Variants in SLCO3A1 observed in about 807,000 individuals in gnomAD.
The protein encoded by SLCO3A1 is PGE1 transporter.
SLCO3A1 carries 27 observed loss-of-function variants against 63.1 expected under a neutral mutation model. The ratio of observed to expected loss-of-function variants is 0.43; its 90% CI spans 0.32 to 0.59. SLCO3A1 has a LOEUF of 0.59. Among genes scored for constraint, SLCO3A1 ranks in the 20% least tolerant of loss-of-function variants. SLCO3A1 has a pLI of 0.09. For synonymous variants in SLCO3A1, 473 were observed against 409.9 expected (o/e 1.15, Z -1.86); for missense variants, 773 against 945.8 (o/e 0.82, Z 2.40).
intron 2 of SLCO3A1, among the ~76,000 whole-genome samples, chr15:92,025,973 G>T (rs892754251): frequency 1.3e-5 from 2 of 152,152 alleles, no homozygotes; most frequent in Non-Finnish European, 2.9e-5. Flanking sequence ...TCTGCTGTTG[G>T]CACTGATTGT....
intron 2 of SLCO3A1, among the ~76,000 whole-genome samples, chr15:91,919,457 C>T (rs1265430623): frequency 3.3e-5 from 5 of 152,244 alleles, no homozygotes; most frequent in Non-Finnish European, 7.3e-5. Context: ...TCATGCGGCA[C>T]CCGGACTCAC....
At chr15:91,958,016 C>T (rs890851988) in intron 2 of SLCO3A1, among the ~76,000 whole-genome samples, 6 of 152,040 alleles carry the variant, frequency 3.9e-5, no homozygotes, top group Admixed American at 1.3e-4. Context: ...GGACCCGCCT[C>T]TATGCAGATT....
intron 1 of SLCO3A1, among the ~76,000 whole-genome samples, chr15:91,904,553 G>C (rs928171050): frequency 1.3e-5 from 2 of 152,198 alleles, no homozygotes; most frequent in Non-Finnish European, 2.9e-5. Context: ...CTGTATCTCA[G>C]ATGAAGCCAG....
At chr15:91,987,744 A>AAG (rs1483844721) in intron 2 of SLCO3A1, among the ~76,000 whole-genome samples, 106 of 148,306 alleles carry the variant, frequency 7.1e-4, no homozygotes, top group Non-Finnish European at 1.2e-4. Context: ...ACTTTGTCTA[A>AAG]AAAAAAAAAA....
At position 91,929,762 on chromosome 15, in the gene SLCO3A1, C is replaced by T. The variant is rs137982245; in HGVS notation, c.646+13304C>T. 3.2e-3 allele frequency among the ~76,000 whole-genome samples: 493 copies of T among 152,310 alleles called. 7 individuals are homozygous for T. The highest frequency in any genetic ancestry group is 0.011 in the African/African-American group (475 of 41,570). Reference sequence around the variant, plus strand: ...TTCTGTCTCTATGAATTTGACTACTCTAAGTGCCTCAGATAAGATCGTAGA... The same window carrying T: ...TTCTGTCTCTATGAATTTGACTACTTTAAGTGCCTCAGATAAGATCGTAGA... On this transcript the variant is annotated intron_variant, in intron 2 of 9. Coordinates refer to ENST00000318445, the MANE Select transcript of SLCO3A1 (RefSeq NM_013272.4).
intron 2 of SLCO3A1, among the ~76,000 whole-genome samples, chr15:91,979,853 T>G (rs2045962218): frequency 6.6e-6 from 1 of 152,206 alleles, no homozygotes; most frequent in Non-Finnish European, 1.5e-5. Flanking sequence ...ATTAGTAATT[T>G]CTTAGGGTGT....
intron 7 of SLCO3A1, among the ~76,000 whole-genome samples, chr15:92,139,622 G>A (rs1443505354): frequency 6.6e-6 from 1 of 152,050 alleles, no homozygotes. Flanking sequence ...CTTTTTGGTT[G>A]GTAAACTACT....
chr15:92,112,852 A>G (rs1219677474), intron 4 of SLCO3A1, among the ~76,000 whole-genome samples: 1 of 152,242 alleles, frequency 6.6e-6, no homozygotes, highest in Non-Finnish European at 1.5e-5. Flanking sequence ...ATTTATGTCC[A>G]TCGGGTATTT....
intron 2 of SLCO3A1, among the ~76,000 whole-genome samples, chr15:91,929,312 C>T (rs1899140838): frequency 6.6e-6 from 1 of 152,162 alleles, no homozygotes; most frequent in South Asian, 2.1e-4. Context: ...AACTCTATGT[C>T]CTGAAGCCAC....
intron 4 of SLCO3A1, among the ~76,000 whole-genome samples, chr15:92,119,443 ATAGAAGCC>A (rs1322596280): frequency 6.6e-6 from 1 of 152,206 alleles, no homozygotes; most frequent in African/African-American, 2.4e-5. Flanking sequence ...ACCAGCTTTC[ATAGAAGCC>A]CTGAGCACCA....
chr15:91,929,565 A>G (rs774639371), intron 2 of SLCO3A1, among the ~76,000 whole-genome samples: 5 of 152,220 alleles, frequency 3.3e-5, no homozygotes. Flanking sequence ...AAATATTCAT[A>G]CAGGTCACCA....
intron 4 of SLCO3A1, among the ~76,000 whole-genome samples, chr15:92,110,781 G>T (rs1292608614): frequency 6.6e-6 from 1 of 152,180 alleles, no homozygotes; most frequent in East Asian, 1.9e-4. Flanking sequence ...CCTGCTATGT[G>T]ATAGGGGAGG....
intron 7 of SLCO3A1, among the ~76,000 whole-genome samples, chr15:92,143,431 A>AATAT (rs1567142987): frequency 0.13 from 276 of 2,122 alleles, 87 homozygotes; most frequent in African/African-American, 0.5. Context: ...TATATATATA[A>AATAT]TATATATAAT....
chr15:91,949,379 C>A (rs1341355356), intron 2 of SLCO3A1, among the ~76,000 whole-genome samples: 1 of 152,150 alleles, frequency 6.6e-6, no homozygotes, highest in African/African-American at 2.4e-5. Flanking sequence ...ACTGTAATCC[C>A]AGCACTTTGG....
At chr15:92,088,228 C>T (rs2047429868) in intron 2 of SLCO3A1, among the ~76,000 whole-genome samples, 1 of 152,196 alleles carries the variant, frequency 6.6e-6, no homozygotes, top group Admixed American at 6.5e-5. Context: ...ACTTACTGTC[C>T]ATCAGCACTG....
intron 2 of SLCO3A1, among the ~76,000 whole-genome samples, chr15:91,987,770 T>A (rs2046073032): frequency 6.7e-6 from 1 of 150,156 alleles, no homozygotes; most frequent in African/African-American, 2.5e-5. Context: ...TAATAATAAT[T>A]AATTGTGGTC....
At chr15:92,057,987 A>G (rs1322222259) in intron 2 of SLCO3A1, among the ~76,000 whole-genome samples, 1 of 152,240 alleles carries the variant, frequency 6.6e-6, no homozygotes. Context: ...GATACATCCT[A>G]TTGTCCCCAG....
At chr15:91,893,151 C>T (rs2151358774) in intron 1 of SLCO3A1, among the ~76,000 whole-genome samples, 1 of 152,342 alleles carries the variant, frequency 6.6e-6, no homozygotes, top group East Asian at 1.9e-4. Flanking sequence ...CCACATGTAG[C>T]TGATGAATAC....
At chr15:92,072,201 G>GTTTT (rs1567103625) in intron 2 of SLCO3A1, among the ~76,000 whole-genome samples, 1 of 131,638 alleles carries the variant, frequency 7.6e-6, no homozygotes, top group African/African-American at 2.7e-5. Context: ...TCTTTTTTTT[G>GTTTT]GTTTTTTTTT....
Sources: gnomAD v4.1 joint callset for allele counts (sites outside exome capture counted in the v4.1 genomes callset) on GRCh38, gnomAD v4.1.1 for gene constraint, MANE v1.5 for transcripts, NCBI Gene and HGNC (gene_info 2026-07-23, HGNC 2026-07-21) for gene names.